The following EYS variants were observed in gnomAD, a reference collection of about 807,000 sequenced individuals.
The protein encoded by EYS is EGF-like photoreceptor maintenance factor, also known as protein eyes shut homolog.
Under a neutral mutation model 282.1 loss-of-function variants are expected in EYS, and 250 were observed. That is an observed-to-expected ratio of 0.89 (90% confidence interval 0.80 to 0.98). The LOEUF is 0.98. EYS is among the 50% of genes least tolerant of loss of function. EYS has a pLI of 0.00. For missense variants in EYS, 4,016 were observed against 3,709.0 expected, an observed-to-expected ratio of 1.08 and a Z score of -2.15; for synonymous variants, 1,355 against 1,282.9, an observed-to-expected ratio of 1.06 and a Z score of -1.20.
intron 13 of EYS, among the ~76,000 whole-genome samples, chr6:65,055,041 G>T (rs1178998592): frequency 6.6e-6 from 1 of 151,948 alleles, no homozygotes; most frequent in Non-Finnish European, 1.5e-5. Flanking sequence ...GGCTGCAGTG[G>T]CACAATAATA....
chr6:64,438,555 C>T (rs1181959581), intron 27 of EYS, among the ~76,000 whole-genome samples: 1 of 151,190 alleles, frequency 6.6e-6, no homozygotes, highest in African/African-American at 2.4e-5. Flanking sequence ...ACTCTACCTG[C>T]CCTTAAGGTT....
At chr6:65,252,138 C>T (rs1356850180) in intron 12 of EYS, among the ~76,000 whole-genome samples, 2 of 151,844 alleles carry the variant, frequency 1.3e-5, no homozygotes, top group Non-Finnish European at 2.9e-5. Flanking sequence ...GAGTATTAAA[C>T]CCCAACTTCC....
intron 12 of EYS, among the ~76,000 whole-genome samples, chr6:65,147,089 A>G (rs572916042): frequency 1.2e-4 from 18 of 152,082 alleles, no homozygotes; most frequent in Middle Eastern, 6.8e-3. Context: ...TGGTTTTTAA[A>G]CTGCATTTAT....
intron 12 of EYS, among the ~76,000 whole-genome samples, chr6:65,096,899 G>C (rs993879345): frequency 6.6e-6 from 1 of 150,718 alleles, no homozygotes; most frequent in Non-Finnish European, 1.5e-5. Context: ...AAAACTCTTA[G>C]AAAAAAATTA....
chr6:65,673,101 G>C (rs540333701), intron 1 of EYS, among the ~76,000 whole-genome samples: 1 of 152,140 alleles, frequency 6.6e-6, no homozygotes, highest in South Asian at 2.1e-4. Context: ...GGATGTATAC[G>C]TGCAGGTCAC....
At chr6:63,860,605 G>A (rs149704228) in intron 36 of EYS, among the ~76,000 whole-genome samples, 101 of 152,300 alleles carry the variant, frequency 6.6e-4, no homozygotes, top group Non-Finnish European at 1.2e-3. Context: ...TGCCCTGTGC[G>A]CCTTTGCACT....
chr6:64,492,496 T>C (rs1356062743), intron 26 of EYS, among the ~76,000 whole-genome samples: 1 of 151,256 alleles, frequency 6.6e-6, no homozygotes, highest in Admixed American at 6.6e-5. Context: ...TGTTGTTTTC[T>C]ATTTAGCCTT....
At chr6:64,804,611 G>A (rs531370639) in intron 22 of EYS, among the ~76,000 whole-genome samples, 1 of 152,038 alleles carries the variant, frequency 6.6e-6, no homozygotes, top group East Asian at 1.9e-4. Flanking sequence ...AATTAGTCAT[G>A]TTTGATCCTA....
At chr6:64,915,245 C>A (rs1234640921) in intron 15 of EYS, among the ~76,000 whole-genome samples, 4 of 152,080 alleles carry the variant, frequency 2.6e-5, no homozygotes, top group South Asian at 4.1e-4. Flanking sequence ...ATTTGCTTGC[C>A]ATACACTTTA....
At chr6:63,787,768 C>T (rs1274979653) in intron 39 of EYS, among the ~76,000 whole-genome samples, 1 of 152,012 alleles carries the variant, frequency 6.6e-6, no homozygotes, top group Non-Finnish European at 1.5e-5. Context: ...ATGGAGAAAC[C>T]TCATCTCCTA....
intron 26 of EYS, among the ~76,000 whole-genome samples, chr6:64,467,221 T>C (rs1452130376): frequency 6.6e-6 from 1 of 152,152 alleles, no homozygotes; most frequent in Non-Finnish European, 1.5e-5. Flanking sequence ...TTACTCTGAT[T>C]AAGATTTTTT....
intron 31 of EYS, among the ~76,000 whole-genome samples, chr6:64,179,713 C>A (rs973979322): frequency 6.6e-6 from 1 of 152,056 alleles, no homozygotes; most frequent in African/African-American, 2.4e-5. Context: ...TGACCCATTT[C>A]TTATTCCTAT....
intron 12 of EYS, among the ~76,000 whole-genome samples, chr6:65,080,641 G>A (rs181557866): frequency 4.4e-4 from 67 of 151,894 alleles, no homozygotes; most frequent in African/African-American, 1.1e-3. Context: ...TGATTTGTTT[G>A]GGTTTGTTAG....
chr6:65,601,202 TAA>T (rs1398954365), intron 2 of EYS, among the ~76,000 whole-genome samples: 1 of 151,910 alleles, frequency 6.6e-6, no homozygotes, highest in Non-Finnish European at 1.5e-5. Flanking sequence ...CTAAATACAT[TAA>T]GATTAAATAC....
intron 34 of EYS, among the ~76,000 whole-genome samples, chr6:63,993,910 T>C (rs774178408): frequency 2.0e-5 from 3 of 151,844 alleles, no homozygotes; most frequent in Non-Finnish European, 1.5e-5. Flanking sequence ...TACAGAGCTA[T>C]AGTAATCAAA....
intron 30 of EYS, 27 bp from the exon 31 acceptor site, chr6:64,230,851 C>A: frequency 1.4e-6 from 2 of 1,380,130 alleles, no homozygotes; most frequent in South Asian, 1.4e-5. Context: ...GACAAGAAAA[C>A]AAAATATAAG....
In EYS at chr6:64,991,065, G is replaced by A. The variant is rs115014863; in HGVS notation, c.2259+6517C>T. On this transcript the variant is annotated intron_variant, in intron 14 of 42. Coordinates refer to ENST00000503581, the MANE Select transcript of EYS (RefSeq NM_001142800.2). ...TAATTATACAGGTCATCAGATGAGGGAATTTAAGTTCTATTTTAGTCTTAC... is the reference window on the plus strand; with the variant it reads ...TAATTATACAGGTCATCAGATGAGGAAATTTAAGTTCTATTTTAGTCTTAC... 9.6e-3 allele frequency among the ~76,000 whole-genome samples: 1,447 copies of A among 151,452 alleles called. 18 individuals carry two copies. The highest frequency in any genetic ancestry group is 0.034 in the African/African-American group (1,390 of 41,442).
chr6:64,177,927 C>T (rs72876873), intron 31 of EYS, among the ~76,000 whole-genome samples: 1 of 152,254 alleles, frequency 6.6e-6, no homozygotes, highest in Non-Finnish European at 1.5e-5. Context: ...CTCCTTTTAG[C>T]ATATTCCATT....
intron 22 of EYS, among the ~76,000 whole-genome samples, chr6:64,779,368 G>A (rs1327751730): frequency 6.6e-6 from 1 of 151,976 alleles, no homozygotes; most frequent in African/African-American, 2.4e-5. Flanking sequence ...GACCCATATG[G>A]CTAAGTGAGG....
Sources: allele counts gnomAD v4.1 joint callset (sites outside exome capture counted in the v4.1 genomes callset), GRCh38; gene constraint gnomAD v4.1.1; transcripts MANE v1.5; gene names NCBI Gene and HGNC (gene_info 2026-07-23, HGNC 2026-07-21).